Variants in SORCS3 observed in about 807,000 individuals in gnomAD.
SORCS3 encodes the protein sortilin related VPS10 domain containing receptor 3.
In SORCS3, 57 loss-of-function variants were observed where a neutral mutation model predicts 146.3. The observed-to-expected ratio is 0.39, with a 90% CI of 0.31 to 0.49. The LOEUF (loss-of-function observed/expected upper bound fraction) is 0.49. Ranked by LOEUF, SORCS3 falls within the 20% of genes least tolerant of loss-of-function variation. SORCS3 has a pLI of 0.92. For synonymous variants in SORCS3, 653 were observed against 618.5 expected (o/e 1.06, Z -0.83); for missense variants, 1,341 against 1,575.5 (o/e 0.85, Z 2.52).
chr10:105,039,596 A>T (rs187799219), intron 4 of SORCS3, among the ~76,000 whole-genome samples: 3 of 151,496 alleles, frequency 2.0e-5, no homozygotes, highest in Admixed American at 1.3e-4. Flanking sequence ...AGCTGGGACT[A>T]CAAGCACCTG....
intron 5 of SORCS3, among the ~76,000 whole-genome samples, chr10:105,073,082 A>G (rs916292920): frequency 1.3e-5 from 2 of 152,166 alleles, no homozygotes; most frequent in African/African-American, 4.8e-5. Flanking sequence ...CTCTGTGTGA[A>G]CTACATACTT....
intron 2 of SORCS3, among the ~76,000 whole-genome samples, chr10:104,860,390 A>T (rs187621560): frequency 1.3e-3 from 166 of 123,804 alleles, no homozygotes; most frequent in East Asian, 9.3e-3. Context: ...GGACACAGGA[A>T]GGGGAACATC....
chr10:104,954,956 A>G (rs958836763), intron 3 of SORCS3, among the ~76,000 whole-genome samples: 32 of 152,210 alleles, frequency 2.1e-4, no homozygotes, highest in African/African-American at 6.3e-4. Context: ...TCTTTTATTT[A>G]TATAGATTTT....
chr10:104,971,856 G>A (rs1229754437), intron 3 of SORCS3, among the ~76,000 whole-genome samples: 1 of 152,160 alleles, frequency 6.6e-6, no homozygotes, highest in Admixed American at 6.5e-5. Context: ...TGTTATGGAA[G>A]CCCCTGGAAG....
chr10:104,794,625 GAGA>G (rs1478815505), intron 1 of SORCS3, among the ~76,000 whole-genome samples: 1 of 131,198 alleles, frequency 7.6e-6, no homozygotes, highest in Non-Finnish European at 1.6e-5. Flanking sequence ...GAGGGAGGGA[GAGA>G]GAGAGAGAGA....
intron 1 of SORCS3, among the ~76,000 whole-genome samples, chr10:104,816,663 A>G (rs542161930): frequency 1.8e-4 from 27 of 152,270 alleles, no homozygotes; most frequent in African/African-American, 6.5e-4. Flanking sequence ...TTCCAGACTC[A>G]TCAGACTTTT....
At chr10:105,176,435 T>C (rs1471298539) in intron 13 of SORCS3, among the ~76,000 whole-genome samples, 2 of 151,934 alleles carry the variant, frequency 1.3e-5, no homozygotes, top group African/African-American at 4.8e-5. Flanking sequence ...CACCTGTAGT[T>C]CTAGCTATTT....
chr10:104,988,961 C>T (rs2054978487), intron 4 of SORCS3, among the ~76,000 whole-genome samples: 1 of 152,124 alleles, frequency 6.6e-6, no homozygotes, highest in Non-Finnish European at 1.5e-5. Flanking sequence ...AAATAGATGC[C>T]TTGATTACAA....
intron 7 of SORCS3, among the ~76,000 whole-genome samples, chr10:105,129,662 T>TACACACACACAC (rs71022754): frequency 1.4e-3 from 203 of 148,024 alleles, no homozygotes; most frequent in East Asian, 9.4e-3. Context: ...CCCACTCAAA[T>TACACACACACAC]ACACACACAC....
intron 17 of SORCS3, among the ~76,000 whole-genome samples, chr10:105,212,723 A>C (rs2056641020): frequency 6.6e-6 from 1 of 152,162 alleles, no homozygotes; most frequent in South Asian, 2.1e-4. Flanking sequence ...AAAATCATCA[A>C]CCAGCTTGAG....
chr10:104,933,140 A>T (rs2019224115), intron 3 of SORCS3, among the ~76,000 whole-genome samples: 1 of 151,984 alleles, frequency 6.6e-6, no homozygotes, highest in Admixed American at 6.6e-5. Context: ...GATACAGAAA[A>T]CTCTGCCTGA....
At chr10:105,142,765 G>A (rs1358501994) in intron 8 of SORCS3, among the ~76,000 whole-genome samples, 5 of 152,072 alleles carry the variant, frequency 3.3e-5, no homozygotes, top group African/African-American at 1.2e-4. Flanking sequence ...GGTGCTTGCA[G>A]GTATTGCAAG....
intron 20 of SORCS3, among the ~76,000 whole-genome samples, chr10:105,242,850 A>G (rs1231445822): frequency 9.6e-6 from 1 of 104,170 alleles, no homozygotes; most frequent in Non-Finnish European, 1.7e-5. Context: ...ATTTTTATAT[A>G]TAAATTATAT....
chr10:104,719,967 T>C (rs952930919), intron 1 of SORCS3, among the ~76,000 whole-genome samples: 1 of 150,830 alleles, frequency 6.6e-6, no homozygotes, highest in African/African-American at 2.4e-5. Context: ...AGGTGAGCTT[T>C]CTGCTCATAG....
chr10:105,048,655 T>A (rs2055391004), intron 5 of SORCS3, among the ~76,000 whole-genome samples: 1 of 151,786 alleles, frequency 6.6e-6, no homozygotes, highest in African/African-American at 2.4e-5. Flanking sequence ...CTGCATGTTG[T>A]GCACATGTAC....
chr10:105,024,406 G>T (rs969969185), intron 4 of SORCS3, among the ~76,000 whole-genome samples: 1 of 152,108 alleles, frequency 6.6e-6, no homozygotes, highest in Non-Finnish European at 1.5e-5. Context: ...CATTGGAGAG[G>T]TGTGGGGTCA....
chr10:105,084,246 C>T (rs1234421068), intron 5 of SORCS3, among the ~76,000 whole-genome samples: 4 of 152,130 alleles, frequency 2.6e-5, no homozygotes, highest in African/African-American at 9.7e-5. Context: ...TGATACCTTC[C>T]TTAAAAGTTC....
intron 5 of SORCS3, among the ~76,000 whole-genome samples, chr10:105,068,232 A>G (rs1397548660): frequency 6.6e-6 from 1 of 152,198 alleles, no homozygotes; most frequent in Non-Finnish European, 1.5e-5. Flanking sequence ...CTGATTTCTC[A>G]GATTATTTTA....
intron 13 of SORCS3, among the ~76,000 whole-genome samples, chr10:105,169,882 A>G (rs932049016): frequency 2.0e-5 from 3 of 152,128 alleles, no homozygotes; most frequent in Non-Finnish European, 4.4e-5. Flanking sequence ...AAGAGAGTTG[A>G]TAAATGTCCT....
Sources: allele counts gnomAD v4.1 joint callset (sites outside exome capture counted in the v4.1 genomes callset), GRCh38; gene constraint gnomAD v4.1.1; transcripts MANE v1.5; gene names NCBI Gene and HGNC (gene_info 2026-07-23, HGNC 2026-07-21).